C15orf61: variants seen among roughly 807,000 people sequenced by gnomAD.
C15orf61 encodes uncharacterized protein C15orf61.
In C15orf61, 12 loss-of-function variants were observed where a neutral mutation model predicts 13.7. The observed-to-expected ratio is 0.88, with a 90% CI of 0.56 to 1.42. C15orf61 has a LOEUF of 1.42. Among genes scored for constraint, C15orf61 ranks in the 40% most tolerant of loss-of-function variants. C15orf61 has a pLI of 0.00. For missense variants in C15orf61, 248 were observed against 213.2 expected (o/e 1.16, Z -1.02); for synonymous variants, 92 against 94.1 (o/e 0.98, Z 0.13).
rs539920476 is a variant in C15orf61 at position 67,521,270 on chromosome 15, C to T, written c.22C>T (p.His8Tyr). The change falls in exon 1 of 2, where the codon CAC becomes TAC. Residue 8 changes from histidine (H) to tyrosine (Y), a missense_variant. Transcript: ENST00000342683. MEALRRA[H>Y]EVALRLLLCR... The stretch of plus-strand genomic sequence containing the variant: ...GGCCATGGAGGCCCTGAGGAGGGCC[C>T]ACGAGGTCGCGCTCCGCCTGCTGCT... 2.5e-4 allele frequency: 364 copies of T among 1,430,874 alleles called. 3 individuals are homozygous for T. The East Asian group carries it at 6.3e-3, about 25-fold the overall frequency. The allele number at this position is 1,430,874 out of a possible 1,614,324, so 88.6% of individuals were successfully genotyped here.
At position 67,528,435 on chromosome 15, in the gene C15orf61, G is replaced by A. The variant is rs1328308677; in HGVS notation, c.*1890G>A. 6.6e-6 allele frequency: 1 copy of A among 152,158 alleles called. No individual in the cohort carries two copies. Among genetic ancestry groups the A allele is most frequent in the East Asian group, 1.9e-4 (1 of 5,204 alleles). The allele number at this position is 152,158 out of a possible 1,614,324, so 9.4% of individuals were successfully genotyped here. On this transcript the variant is annotated 3_prime_UTR_variant, in exon 2 of 2. Coordinates refer to ENST00000342683, the MANE Select transcript of C15orf61 (RefSeq NM_001143936.2). Reference sequence around the variant, plus strand: ...TAACAAGTAAATGTAATATTTTCTTGTATTACATGAAAATCAATAGACCTC... The same window carrying A: ...TAACAAGTAAATGTAATATTTTCTTATATTACATGAAAATCAATAGACCTC...
At chr15:67,521,670 G>A in intron 1 of C15orf61, 76 bp downstream of exon 1, 3 of 1,328,000 alleles carry the variant, frequency 2.3e-6, no homozygotes, top group South Asian at 1.4e-5. Context: ...AGCACGTGAC[G>A]AACGCTCGCA....
chr15:67,526,484 CCAGTTATGGACCCATA>C lies in C15orf61; in HGVS notation c.414_429del (p.Ser139GlnfsTer22). The C allele has an allele frequency of 6.5e-7, 1 of 1,538,802 alleles. No individual in the cohort carries two copies. The highest frequency in any genetic ancestry group is 8.8e-7 in the Non-Finnish European group (1 of 1,135,720). ...GCCAGAGTCACAGAGACTGTGCATA[CCAGTTATGGACCCATA>C]ACAGTTTATTTTCTCAATAAAGAAG... On this transcript the variant is annotated frameshift_variant, in exon 2 of 2. Coordinates refer to ENST00000342683, the MANE Select transcript of C15orf61 (RefSeq NM_001143936.2). LOFTEE classifies it high-confidence loss of function.
At chr15:67,522,349 G>A (rs1301545019) in intron 1 of C15orf61, 1 of 657,264 alleles carries the variant, frequency 1.5e-6, no homozygotes, top group East Asian at 2.7e-5. Context: ...CTAGATTTCA[G>A]TGATTCAAAA....
In C15orf61 at chr15:67,527,428, A is replaced by G. The variant is rs2084204755; in HGVS notation, c.*883A>G. 1 of 152,188 alleles carries G rather than the reference A, an allele frequency of 6.6e-6. No homozygotes were observed. 9.4% of individuals were successfully genotyped at this position (152,188 alleles called of 1,614,324 possible). A position where few individuals can be genotyped will look rare whatever the true frequency, so the allele number is the denominator to read the frequency against. On this transcript the variant is annotated 3_prime_UTR_variant, in exon 2 of 2. Coordinates refer to ENST00000342683, the MANE Select transcript of C15orf61 (RefSeq NM_001143936.2). ...TAATTGCATTTTTGAAAGCCAAGTC[A>G]TTTAAAAAAATGTATCCTTGGGGTA...
At position 67,521,435 on chromosome 15, in the gene C15orf61, T is replaced by A; in HGVS notation, c.187T>A (p.Phe63Ile). 6.5e-7 allele frequency: 1 copy of A among 1,547,072 alleles called. No homozygotes were observed. Among genetic ancestry groups the A allele is most frequent in the East Asian group, 2.4e-5 (1 of 40,904 alleles). The stretch of plus-strand genomic sequence containing the variant: ...CTACAGCGCCGTCCGCAACGACCAG[T>A]TCGGCCTCTCGCACTTCAACTGGCC... Reference protein sequence around the residue: ...VPYSAVRNDQFGLSHFNWPVQ... With the variant: ...VPYSAVRNDQIGLSHFNWPVQ... The change falls in exon 1 of 2, where the codon TTC (phenylalanine) becomes ATC (isoleucine). Residue 63 changes from phenylalanine (F) to isoleucine (I), a missense_variant. Phe to Ile is a conservative substitution (Grantham distance 21). Transcript: ENST00000342683.
Position 67,526,476 on chromosome 15 carries a change from T to C in C15orf61, c.405T>C (p.Thr135=), listed in dbSNP as rs529957482. 9.1e-6 allele frequency: 14 copies of C among 1,540,446 alleles called. No homozygotes were observed. Among genetic ancestry groups the C allele is most frequent in the Non-Finnish European group, 1.2e-5 (14 of 1,137,072 alleles). The part of the protein sequence containing the change: ...GSWLFARVTE[T]VHTSYGPITV... ...GGTTATTTGCCAGAGTCACAGAGAC[T>C]GTGCATACCAGTTATGGACCCATAA... is the stretch of plus-strand genomic sequence containing the variant. The change falls in exon 2 of 2, where the codon ACT becomes ACC. Residue 135 remains threonine (T), a synonymous_variant. Coordinates refer to ENST00000342683, the MANE Select transcript of C15orf61 (RefSeq NM_001143936.2).
At chr15:67,524,841 T>G (rs578151132) in intron 1 of C15orf61, among the ~76,000 whole-genome samples, 1,681 of 147,686 alleles carry the variant, frequency 0.011, 38 homozygotes, top group African/African-American at 0.039. Context: ...TTGTTTGTTT[T>G]TTTTTTTTTT....
chr15:67,522,236 G>C, intron 1 of C15orf61: 1 of 700,944 alleles, frequency 1.4e-6, no homozygotes, highest in Non-Finnish European at 2.6e-6. Flanking sequence ...AATGACAGAA[G>C]AGGGAGGTAC....
intron 1 of C15orf61, among the ~76,000 whole-genome samples, chr15:67,522,927 C>T (rs747507010): frequency 7.2e-5 from 11 of 152,122 alleles, no homozygotes; most frequent in Non-Finnish European, 1.6e-4. Context: ...TTAGGGGCCT[C>T]TCTTTTAGAT....
chr15:67,522,339 C>A, intron 1 of C15orf61: 1 of 667,242 alleles, frequency 1.5e-6, no homozygotes, highest in Non-Finnish European at 2.7e-6. Context: ...TAAAATCAAT[C>A]TAGATTTCAG....
intron 1 of C15orf61, among the ~76,000 whole-genome samples, chr15:67,523,510 C>T (rs1263239243): frequency 6.6e-6 from 1 of 152,126 alleles, no homozygotes; most frequent in Non-Finnish European, 1.5e-5. Context: ...GTTTACCAGT[C>T]TAGGTATCCT....
At position 67,527,629 on chromosome 15, in the gene C15orf61, CACTT is replaced by C. The variant is rs991417624; in HGVS notation, c.*1087_*1090del. 50 of 152,286 alleles carry C rather than the reference CACTT, an allele frequency of 3.3e-4. No homozygotes were observed. The highest frequency in any genetic ancestry group is 1.2e-3 in the African/African-American group (49 of 41,562). The allele number at this position is 152,286 out of a possible 1,614,324, so 9.4% of individuals were successfully genotyped here. A position where few individuals can be genotyped will look rare whatever the true frequency, so the allele number is the denominator to read the frequency against. ...TTAATGTGTTGCTGATACTCTGCAACACTTACACATTTTTGTAGCAAAACATTTT... is the reference window on the plus strand; with the variant it reads ...TTAATGTGTTGCTGATACTCTGCAACACACATTTTTGTAGCAAAACATTTT... On this transcript the variant is annotated 3_prime_UTR_variant, in exon 2 of 2. Transcript: ENST00000342683.
chr15:67,524,620 A>ATTT, intron 1 of C15orf61, among the ~76,000 whole-genome samples: 1 of 152,032 alleles, frequency 6.6e-6, no homozygotes, highest in Non-Finnish European at 1.5e-5. Context: ...CTGAATGGGC[A>ATTT]TTTTTTTCCC....
At position 67,521,142 on chromosome 15, in the gene C15orf61, T is replaced by G. The variant is rs1596526811; in HGVS notation, c.-107T>G. On this transcript the variant is annotated 5_prime_UTR_variant, in exon 1 of 2. Transcript: ENST00000342683. ...GCACGCGCCGCCGCACACCGGGGGC[T>G]CTCGGGCACCCGCGCGGCGCCGGTT... 2 of 690,110 alleles carry G rather than the reference T, an allele frequency of 2.9e-6. No individual in the cohort carries two copies. The highest frequency in any genetic ancestry group is 1.6e-4 in the East Asian group (2 of 12,718). The allele number at this position is 690,110 out of a possible 1,614,324, so 42.7% of individuals were successfully genotyped here. A position where few individuals can be genotyped will look rare whatever the true frequency, so the allele number is the denominator to read the frequency against.
chr15:67,523,902 C>G (rs2084184319), intron 1 of C15orf61, among the ~76,000 whole-genome samples: 1 of 152,162 alleles, frequency 6.6e-6, no homozygotes, highest in South Asian at 2.1e-4. Context: ...GATCATAACT[C>G]CATCTCCTGT....
Position 67,523,759 on chromosome 15 carries a change from C to CA in C15orf61, c.346+2168dup, listed in dbSNP as rs2084183423. On this transcript the variant is annotated intron_variant, in intron 1 of 1. Transcript: ENST00000342683. The stretch of plus-strand genomic sequence containing the variant: ...ATTTTTCATAGAATCTTATAGACTT[C>CA]AAAGCATGTGTGCTACAAAGATTTT... 2.6e-5 allele frequency among the ~76,000 whole-genome samples: 4 copies of CA among 152,062 alleles called. No homozygotes were observed. In the South Asian group the frequency reaches 8.3e-4, roughly 32 times the overall value.
chr15:67,526,773 C>A lies in C15orf61; in HGVS notation c.*228C>A. On this transcript the variant is annotated 3_prime_UTR_variant, in exon 2 of 2. Coordinates refer to ENST00000342683, the MANE Select transcript of C15orf61 (RefSeq NM_001143936.2). ...ACTACAAACACATGAAGCTTCACAC[C>A]ATTTTTTCCCTAGAACTAGGTTAAC... 1 of 346,484 alleles carries A rather than the reference C, an allele frequency of 2.9e-6. No individual in the cohort carries two copies. The highest frequency in any genetic ancestry group is 5.1e-6 in the Non-Finnish European group (1 of 195,324). The allele number at this position is 346,484 out of a possible 1,614,324, so 21.5% of individuals were successfully genotyped here.
At chr15:67,521,815 C>T (rs748297857) in intron 1 of C15orf61, 5 of 616,200 alleles carry the variant, frequency 8.1e-6, no homozygotes, top group Non-Finnish European at 1.1e-5. Context: ...GCTGCGGGCG[C>T]GTCCTCGGGC....
Sources: gnomAD v4.1 joint callset for allele counts (sites outside exome capture counted in the v4.1 genomes callset) on GRCh38, gnomAD v4.1.1 for gene constraint, MANE v1.5 for transcripts, NCBI Gene and HGNC (gene_info 2026-07-23, HGNC 2026-07-21) for gene names.